Variants in CCDC148 observed in about 807,000 individuals in gnomAD.
CCDC148 encodes coiled-coil domain containing 148.
CCDC148 carries 89 observed loss-of-function variants against 85.7 expected under a neutral mutation model. The ratio of observed to expected loss-of-function variants is 1.04; its 90% CI spans 0.87 to 1.24. The LOEUF (loss-of-function observed/expected upper bound fraction) is 1.24. CCDC148 is among the 50% of genes most tolerant of loss of function. The pLI, the probability that CCDC148 is intolerant of heterozygous loss-of-function variation, is 0.00. For missense variants in CCDC148, 692 were observed against 671.7 expected (o/e 1.03, Z -0.33); for synonymous variants, 230 against 213.9 (o/e 1.08, Z -0.66).
intron 9 of CCDC148, among the ~76,000 whole-genome samples, chr2:158,295,070 T>C (rs988716036): frequency 3.3e-5 from 5 of 152,200 alleles, no homozygotes; most frequent in South Asian, 4.1e-4. Flanking sequence ...GGTGAAGTGA[T>C]TGAATTTCTG....
chr2:158,285,220 A>G (rs1197490857), intron 9 of CCDC148, among the ~76,000 whole-genome samples: 1 of 151,326 alleles, frequency 6.6e-6, no homozygotes, highest in Non-Finnish European at 1.5e-5. Context: ...CCTCGGAGAC[A>G]GAGGTTGCAG....
At chr2:158,367,892 G>T (rs535567683) in intron 1 of CCDC148, among the ~76,000 whole-genome samples, 3 of 152,268 alleles carry the variant, frequency 2.0e-5, no homozygotes, top group African/African-American at 7.2e-5. Context: ...TGAGAGAAAT[G>T]ATTAGGCATT....
intron 3 of CCDC148, 50 bp from the exon 4 acceptor site, chr2:158,340,730 A>C: frequency 9.1e-7 from 1 of 1,095,502 alleles, no homozygotes. Flanking sequence ...ACATACATCT[A>C]GGTTTTTAAA....
intron 1 of CCDC148, among the ~76,000 whole-genome samples, chr2:158,399,252 G>C (rs1290066863): frequency 1.3e-5 from 2 of 152,078 alleles, no homozygotes; most frequent in African/African-American, 4.8e-5. Flanking sequence ...GAAAAAGAGG[G>C]AATCCTCCCT....
intron 8 of CCDC148, among the ~76,000 whole-genome samples, chr2:158,310,618 T>C (rs6712330): frequency 0.95 from 142,936 of 150,696 alleles, 67,809 homozygotes; most frequent in East Asian, 0.99. Flanking sequence ...GGCGGCCAGG[T>C]AGAGGCGCTC....
At chr2:158,341,675 C>G (rs1040802936) in intron 3 of CCDC148, among the ~76,000 whole-genome samples, 1 of 151,978 alleles carries the variant, frequency 6.6e-6, no homozygotes, top group Non-Finnish European at 1.5e-5. Context: ...TCTAAATGGG[C>G]ATCCAAAAAT....
chr2:158,228,935 T>C (rs1246161004), intron 10 of CCDC148, among the ~76,000 whole-genome samples: 8 of 148,106 alleles, frequency 5.4e-5, no homozygotes, highest in African/African-American at 2.0e-4. Flanking sequence ...GTTGTGCACA[T>C]GTACCATAAA....
chr2:158,371,115 C>T (rs1036829114), intron 1 of CCDC148, among the ~76,000 whole-genome samples: 4 of 151,988 alleles, frequency 2.6e-5, no homozygotes, highest in African/African-American at 9.6e-5. Flanking sequence ...GAAAACACTA[C>T]CATGGTATGC....
At chr2:158,235,625 A>G (rs1243278872) in intron 10 of CCDC148, 1 of 152,188 alleles carries the variant, frequency 6.6e-6, no homozygotes, top group East Asian at 1.9e-4. Context: ...GTTCAATTAC[A>G]ACACCCTTCT....
intron 1 of CCDC148, among the ~76,000 whole-genome samples, chr2:158,436,807 C>A (rs1042048425): frequency 6.6e-6 from 1 of 152,118 alleles, no homozygotes; most frequent in Non-Finnish European, 1.5e-5. Flanking sequence ...CACCACTGAT[C>A]CCACAGAAAT....
chr2:158,263,816 A>G (rs1689340316), intron 9 of CCDC148, among the ~76,000 whole-genome samples: 1 of 152,050 alleles, frequency 6.6e-6, no homozygotes, highest in African/African-American at 2.4e-5. Flanking sequence ...GTAGTTATCA[A>G]AAATCCTTTC....
At chr2:158,455,662 T>C (rs1688633946) in intron 1 of CCDC148, among the ~76,000 whole-genome samples, 1 of 152,076 alleles carries the variant, frequency 6.6e-6, no homozygotes, top group African/African-American at 2.4e-5. Context: ...GAGATTAGTC[T>C]AAAAAAAGTA....
At chr2:158,442,687 T>C (rs1319381717) in intron 1 of CCDC148, among the ~76,000 whole-genome samples, 1 of 152,240 alleles carries the variant, frequency 6.6e-6, no homozygotes, top group Non-Finnish European at 1.5e-5. Flanking sequence ...TCATGCAGTG[T>C]TGTTCCCCTG....
At chr2:158,379,186 A>T (rs572977148) in intron 1 of CCDC148, among the ~76,000 whole-genome samples, 1 of 152,292 alleles carries the variant, frequency 6.6e-6, no homozygotes, top group East Asian at 1.9e-4. Context: ...GAAGAGGTTG[A>T]TTCCAACCCT....
At position 158,302,274 on chromosome 2, in the gene CCDC148, G is replaced by A. The variant is rs373984308; in HGVS notation, c.1110+7159C>T. ...AATTTTCTTGCTAAAGTAGGAGGTGGCTTGTCTCCTGGGAGTCTGAGAATG... is the reference window on the plus strand; with the variant it reads ...AATTTTCTTGCTAAAGTAGGAGGTGACTTGTCTCCTGGGAGTCTGAGAATG... On this transcript the variant is annotated intron_variant, in intron 9 of 13. Coordinates refer to ENST00000283233, the MANE Select transcript of CCDC148 (RefSeq NM_138803.4). Among the ~76,000 whole-genome samples, 11 of 152,272 alleles carry A rather than the reference G, an allele frequency of 7.2e-5. No homozygotes were observed. In the South Asian group the frequency reaches 1.7e-3, roughly 23 times the overall value.
rs550149385 is a variant in CCDC148, at chr2:158,226,421, T to C, written c.1252-5708A>G. On this transcript the variant is annotated intron_variant, in intron 10 of 13. Transcript: ENST00000283233. ...TTCTTTCTGAAACTATTCCAATCAA[T>C]AGAAAAAGAGGGAATCCTCCCTAAC... 2.0e-4 allele frequency among the ~76,000 whole-genome samples: 30 copies of C among 152,150 alleles called. No individual in the cohort carries two copies. The South Asian group carries it at 5.8e-3, about 29-fold the overall frequency.
At chr2:158,231,621 G>A (rs1687860425) in intron 10 of CCDC148, among the ~76,000 whole-genome samples, 1 of 152,184 alleles carries the variant, frequency 6.6e-6, no homozygotes, top group South Asian at 2.1e-4. Flanking sequence ...ACAGCTAGGT[G>A]TACCTTCTAA....
chr2:158,329,194 T>A (rs943500726), intron 7 of CCDC148, among the ~76,000 whole-genome samples: 2 of 152,130 alleles, frequency 1.3e-5, no homozygotes, highest in Non-Finnish European at 2.9e-5. Context: ...TTTTTGTACA[T>A]GGTGTAAGGA....
At chr2:158,415,856 C>T (rs1686476030) in intron 1 of CCDC148, among the ~76,000 whole-genome samples, 1 of 152,190 alleles carries the variant, frequency 6.6e-6, no homozygotes, top group African/African-American at 2.4e-5. Flanking sequence ...TCTCACAGCT[C>T]CACTATGCAG....
Sources: gnomAD v4.1 joint callset for allele counts (sites outside exome capture counted in the v4.1 genomes callset) on GRCh38, gnomAD v4.1.1 for gene constraint, MANE v1.5 for transcripts, NCBI Gene and HGNC (gene_info 2026-07-23, HGNC 2026-07-21) for gene names.